Variants in KIF13B observed in about 807,000 individuals in gnomAD.
KIF13B encodes the protein kinesin-like protein KIF13B.
Under a neutral mutation model 222.0 loss-of-function variants are expected in KIF13B, and 127 were observed. That is an observed-to-expected ratio of 0.57 (90% CI 0.50 to 0.66). The LOEUF (loss-of-function observed/expected upper bound fraction) is 0.66. Ranked by LOEUF, KIF13B falls within the 30% of genes least tolerant of loss-of-function variation. The pLI is 0.00. For missense variants in KIF13B, 2,173 were observed against 2,379.0 expected (o/e 0.91, Z 1.80); for synonymous variants, 976 against 919.0 (o/e 1.06, Z -1.12).
At chr8:29,191,195 T>A in intron 3 of KIF13B, 138 bp from the exon 4 acceptor site, 1 of 634,026 alleles carries the variant, frequency 1.6e-6, no homozygotes, top group South Asian at 2.2e-5. Flanking sequence ...TGTAGAGGCT[T>A]ACAATGAGAA....
chr8:29,179,351 A>T (rs1812614940), intron 8 of KIF13B, among the ~76,000 whole-genome samples: 1 of 152,184 alleles, frequency 6.6e-6, no homozygotes, highest in South Asian at 2.1e-4. Flanking sequence ...TCCTGGGCTC[A>T]AGCAATCCTC....
intron 34 of KIF13B, among the ~76,000 whole-genome samples, chr8:29,109,019 T>C (rs1029295170): frequency 1.3e-5 from 2 of 152,188 alleles, no homozygotes; most frequent in African/African-American, 2.4e-5. Context: ...ATCTGACGCA[T>C]GGACACCACC....
chr8:29,214,745 T>C (rs2130493542), intron 2 of KIF13B, among the ~76,000 whole-genome samples: 1 of 152,340 alleles, frequency 6.6e-6, no homozygotes, highest in South Asian at 2.1e-4. Flanking sequence ...TTTATATAAC[T>C]GGCAGTGAAG....
intron 35 of KIF13B, among the ~76,000 whole-genome samples, chr8:29,105,671 T>TG (rs1809030561): frequency 8.0e-6 from 1 of 125,786 alleles, no homozygotes; most frequent in East Asian, 2.0e-4. Context: ...TTTTTTTTTT[T>TG]TTTTTGAGAC....
intron 1 of KIF13B, among the ~76,000 whole-genome samples, chr8:29,257,393 A>G (rs1816523974): frequency 1.3e-5 from 2 of 151,996 alleles, no homozygotes; most frequent in Non-Finnish European, 2.9e-5. Context: ...TTGAGGAGCA[A>G]GCATAGAGAT....
At chr8:29,196,947 A>T (rs1233372599) in intron 2 of KIF13B, among the ~76,000 whole-genome samples, 11 of 152,070 alleles carry the variant, frequency 7.2e-5, no homozygotes, top group Admixed American at 7.2e-4. Flanking sequence ...TGAATTACTC[A>T]CTACTTATTC....
rs759181929 is a variant in KIF13B, at chr8:29,108,179, C to T, written c.4175G>A (p.Arg1392Gln). The change falls in exon 35 of 40, where the codon CGA (arginine) becomes CAA (glutamine). Residue 1392 changes from arginine to glutamine, a missense_variant. Arg to Gln is a conservative substitution (Grantham distance 43, BLOSUM62 1). This residue lies in a region of KIF13B where 693 missense variants were observed against 656.2 expected (regional missense o/e 1.06). Coordinates refer to ENST00000524189, the MANE Select transcript of KIF13B (RefSeq NM_015254.4). Reference protein sequence around the residue: ...SPNVNRLSGSRQDLIPSYSLG... With the variant: ...SPNVNRLSGSQQDLIPSYSLG... ...ACTGTATGATGGAATGAGATCTTGT[C>T]GGCTTCCAGACAACTGAAGAAGAAA... 1.2e-5 allele frequency: 19 copies of T among 1,612,154 alleles called. No individual in the cohort carries two copies. Among genetic ancestry groups the T allele is most frequent in the South Asian group, 8.8e-5 (8 of 90,506 alleles).
chr8:29,245,456 A>G lies in KIF13B; in HGVS notation c.56-17T>C, dbSNP rs1020525573. 3 of 1,522,444 alleles carry G rather than the reference A, an allele frequency of 2.0e-6. No individual in the cohort carries two copies. The highest frequency in any genetic ancestry group is 2.7e-6 in the Non-Finnish European group (3 of 1,124,788). The allele number at this position is 1,522,444 out of a possible 1,614,324, so 94.3% of individuals were successfully genotyped here. A position where few individuals can be genotyped will look rare whatever the true frequency, so the allele number is the denominator to read the frequency against. ...AGTCAGTCTCTGTGGATAAAAAAAC[A>G]AGAAAAACAGTCATTTTAAAAAGTA... On this transcript the variant is annotated splice_polypyrimidine_tract_variant and intron_variant, in intron 1 of 39. Transcript: ENST00000524189.
chr8:29,075,449 G>A (rs1352821365), intron 37 of KIF13B, 106 bp from the exon 38 acceptor site: 19 of 1,000,830 alleles, frequency 1.9e-5, no homozygotes, highest in East Asian at 8.0e-5. Context: ...GAGGGGAATC[G>A]GCCCATCAGG....
rs758392894 is a variant in KIF13B at position 29,140,444 on chromosome 8, A to G, written c.2484+24T>C. On this transcript the variant is annotated intron_variant, in intron 20 of 39. Coordinates refer to ENST00000524189, the MANE Select transcript of KIF13B (RefSeq NM_015254.4). The stretch of plus-strand genomic sequence containing the variant: ...TTTCTTAAACTATTCTCTACAGGAA[A>G]CAAGGCATGAAGAGAAAACCAACCT... 3.1e-6 allele frequency: 5 copies of G among 1,607,148 alleles called. No homozygotes were observed. The Admixed American group carries it at 5.1e-5, about 16-fold the overall frequency.
At chr8:29,096,649 T>C (rs1429398171) in intron 36 of KIF13B, among the ~76,000 whole-genome samples, 3 of 151,798 alleles carry the variant, frequency 2.0e-5, no homozygotes, top group African/African-American at 7.3e-5. Flanking sequence ...CCTATATATG[T>C]AGAAGATGAA....
chr8:29,210,645 G>A (rs942807462), intron 2 of KIF13B, among the ~76,000 whole-genome samples: 1 of 152,196 alleles, frequency 6.6e-6, no homozygotes, highest in African/African-American at 2.4e-5. Context: ...ATGGGATCCT[G>A]AGACTTTTTA....
chr8:29,214,417 T>G (rs560378819), intron 2 of KIF13B, among the ~76,000 whole-genome samples: 3 of 152,294 alleles, frequency 2.0e-5, no homozygotes, highest in African/African-American at 7.2e-5. Context: ...ACACACACAT[T>G]AGCCTAGGCC....
intron 26 of KIF13B, among the ~76,000 whole-genome samples, chr8:29,125,201 G>A (rs1191538960): frequency 6.6e-6 from 1 of 152,158 alleles, no homozygotes; most frequent in African/African-American, 2.4e-5. Context: ...TATGCATTTT[G>A]TGGGGCAACA....
At chr8:29,252,806 T>C (rs1038222300) in intron 1 of KIF13B, among the ~76,000 whole-genome samples, 2 of 152,242 alleles carry the variant, frequency 1.3e-5, no homozygotes, top group Non-Finnish European at 2.9e-5. Context: ...GTTCTATTTA[T>C]AAGTTACTTG....
At chr8:29,260,100 C>G (rs1816626194) in intron 1 of KIF13B, among the ~76,000 whole-genome samples, 1 of 152,176 alleles carries the variant, frequency 6.6e-6, no homozygotes, top group African/African-American at 2.4e-5. Flanking sequence ...ACAACTCTTC[C>G]TGTTACTGAA....
chr8:29,216,243 A>G (rs1006795583), intron 2 of KIF13B, among the ~76,000 whole-genome samples: 3 of 152,196 alleles, frequency 2.0e-5, no homozygotes, highest in Admixed American at 2.0e-4. Context: ...CATATCACAA[A>G]CAGGTTAAAT....
chr8:29,102,891 T>C (rs1808861030), intron 35 of KIF13B, among the ~76,000 whole-genome samples: 2 of 152,206 alleles, frequency 1.3e-5, no homozygotes. Flanking sequence ...ATGACAAACA[T>C]ACAACCTTAT....
chr8:29,237,006 G>C (rs1815540738), intron 2 of KIF13B, among the ~76,000 whole-genome samples: 1 of 152,030 alleles, frequency 6.6e-6, no homozygotes, highest in African/African-American at 2.4e-5. Flanking sequence ...GATTGGTAAA[G>C]ATTAACCTAA....
Sources: allele counts gnomAD v4.1 joint callset (sites outside exome capture counted in the v4.1 genomes callset), GRCh38; gene constraint gnomAD v4.1.1; regional missense constraint gnomAD v4.1.1; transcripts MANE v1.5; gene names NCBI Gene and HGNC (gene_info 2026-07-23, HGNC 2026-07-21).